NEGR1: variants seen among roughly 807,000 people sequenced by gnomAD.
NEGR1 encodes IgLON family member 4.
In NEGR1, 10 loss-of-function variants were observed where a neutral mutation model predicts 40.9. The ratio of observed to expected loss-of-function variants is 0.24; its 90% CI spans 0.15 to 0.42. The LOEUF is 0.42. Ranked by LOEUF, NEGR1 falls within the 10% of genes least tolerant of loss-of-function variation. The probability of loss-of-function intolerance (pLI) is 1.00; values close to 1 mark genes in which losing one functional copy is unlikely to be tolerated. For missense variants in NEGR1, 352 were observed against 438.9 expected (o/e 0.80, Z 1.77); for synonymous variants, 185 against 166.8 (o/e 1.11, Z -0.84).
chr1:72,230,906 A>G (rs1479646362), intron 1 of NEGR1, among the ~76,000 whole-genome samples: 3 of 152,156 alleles, frequency 2.0e-5, no homozygotes, highest in Non-Finnish European at 4.4e-5. Context: ...TCACAAATAT[A>G]TATTACTAAG....
At chr1:71,648,184 T>C (rs1052181688) in intron 4 of NEGR1, among the ~76,000 whole-genome samples, 20 of 152,100 alleles carry the variant, frequency 1.3e-4, no homozygotes, top group Non-Finnish European at 2.2e-4. Flanking sequence ...AGAAACAATT[T>C]TGCTCAGAAA....
intron 1 of NEGR1, among the ~76,000 whole-genome samples, chr1:71,994,414 G>C (rs1367745970): frequency 3.9e-5 from 6 of 151,946 alleles, no homozygotes; most frequent in Non-Finnish European, 7.4e-5. Context: ...TGTAGTACCA[G>C]CTACTCGGGA....
intron 2 of NEGR1, among the ~76,000 whole-genome samples, chr1:71,868,879 C>T (rs529327937): frequency 2.6e-5 from 4 of 152,074 alleles, no homozygotes; most frequent in Admixed American, 1.3e-4. Flanking sequence ...CCCTCAAATA[C>T]GCCTTACCCC....
chr1:71,479,790 T>C (rs1383734412), intron 6 of NEGR1, among the ~76,000 whole-genome samples: 1 of 151,972 alleles, frequency 6.6e-6, no homozygotes, highest in Non-Finnish European at 1.5e-5. Flanking sequence ...TAGGGAATCT[T>C]TTTTCCCTGC....
intron 4 of NEGR1, among the ~76,000 whole-genome samples, chr1:71,692,293 A>T (rs1653312855): frequency 6.6e-6 from 1 of 151,516 alleles, no homozygotes; most frequent in African/African-American, 2.4e-5. Flanking sequence ...AATTAGCTTA[A>T]AAAAAAACAT....
At chr1:71,903,712 C>T (rs1307373700) in intron 2 of NEGR1, among the ~76,000 whole-genome samples, 1 of 151,546 alleles carries the variant, frequency 6.6e-6, no homozygotes, top group African/African-American at 2.4e-5. Context: ...TCTCTCTCTC[C>T]ATATATATGT....
At chr1:72,039,565 AAAC>A (rs1646933833) in intron 1 of NEGR1, among the ~76,000 whole-genome samples, 1 of 151,974 alleles carries the variant, frequency 6.6e-6, no homozygotes, top group Admixed American at 6.6e-5. Context: ...GGAGAGAAAA[AAAC>A]AACAAAATTA....
intron 1 of NEGR1, among the ~76,000 whole-genome samples, chr1:72,144,565 T>C (rs1650838977): frequency 6.6e-6 from 1 of 151,984 alleles, no homozygotes; most frequent in Admixed American, 6.6e-5. Context: ...ATTTTACGTG[T>C]GAAGAAGCAA....
intron 1 of NEGR1, among the ~76,000 whole-genome samples, chr1:72,255,464 GGGTGTT>G: frequency 6.6e-6 from 1 of 151,994 alleles, no homozygotes; most frequent in South Asian, 2.1e-4. Flanking sequence ...CATTCATCCT[GGGTGTT>G]GATATACTCT....
chr1:72,045,210 A>G (rs930280884), intron 1 of NEGR1, among the ~76,000 whole-genome samples: 1 of 151,860 alleles, frequency 6.6e-6, no homozygotes, highest in Non-Finnish European at 1.5e-5. Context: ...TGAAAGTAAA[A>G]TATTCTAATG....
chr1:71,865,217 G>C (rs1331817668), intron 2 of NEGR1, among the ~76,000 whole-genome samples: 6 of 152,092 alleles, frequency 3.9e-5, no homozygotes, highest in Admixed American at 1.3e-4. Flanking sequence ...CTTCAGTAGA[G>C]CTTTTCTAAC....
chr1:71,841,041 A>C (rs796271406), intron 2 of NEGR1, among the ~76,000 whole-genome samples: 2 of 152,138 alleles, frequency 1.3e-5, no homozygotes, highest in African/African-American at 4.8e-5. Flanking sequence ...CAATCACATG[A>C]ACCAATTTCT....
intron 2 of NEGR1, among the ~76,000 whole-genome samples, chr1:71,821,978 A>C (rs1413121742): frequency 2.6e-5 from 4 of 152,034 alleles, no homozygotes; most frequent in African/African-American, 9.7e-5. Flanking sequence ...GGTATGACCA[A>C]CTAATAAAGG....
chr1:71,887,682 T>C (rs2101849970), intron 2 of NEGR1, among the ~76,000 whole-genome samples: 1 of 152,294 alleles, frequency 6.6e-6, no homozygotes, highest in Admixed American at 6.5e-5. Flanking sequence ...TTTTTAAAAC[T>C]ATATATTATT....
At chr1:71,894,365 G>C (rs1660904108) in intron 2 of NEGR1, among the ~76,000 whole-genome samples, 1 of 152,104 alleles carries the variant, frequency 6.6e-6, no homozygotes, top group Admixed American at 6.6e-5. Flanking sequence ...CATTGAAACA[G>C]GAATAGGGGC....
intron 1 of NEGR1, among the ~76,000 whole-genome samples, chr1:72,250,543 A>T (rs1303660775): frequency 2.0e-5 from 3 of 152,176 alleles, no homozygotes; most frequent in Non-Finnish European, 4.4e-5. Flanking sequence ...AAATATGAAA[A>T]ACAATTAAGT....
At chr1:71,596,212 A>G (rs1649708951) in intron 5 of NEGR1, among the ~76,000 whole-genome samples, 1 of 152,140 alleles carries the variant, frequency 6.6e-6, no homozygotes, top group Non-Finnish European at 1.5e-5. Flanking sequence ...AGATCCTTCT[A>G]TTTCTGTGGA....
In NEGR1 at chr1:71,707,945, G is replaced by A. The variant is rs374220741; in HGVS notation, c.536-9806C>T. ...GTCTGCAAGAACCACAGCATTACTGGGCTTGGGATGCCCGTAAAGCAGGAA... is the reference window on the plus strand; with the variant it reads ...GTCTGCAAGAACCACAGCATTACTGAGCTTGGGATGCCCGTAAAGCAGGAA... On this transcript the variant is annotated intron_variant, in intron 3 of 6. Coordinates refer to ENST00000357731, the MANE Select transcript of NEGR1 (RefSeq NM_173808.3). Among the ~76,000 whole-genome samples, 104 of 152,178 alleles carry A rather than the reference G, an allele frequency of 6.8e-4. 1 individual carries two copies. Among genetic ancestry groups the A allele is most frequent in the South Asian group, 4.8e-3 (23 of 4,822 alleles).
chr1:71,437,764 G>T (rs1360216493), intron 6 of NEGR1, among the ~76,000 whole-genome samples: 2 of 152,204 alleles, frequency 1.3e-5, no homozygotes, highest in Non-Finnish European at 2.9e-5. Flanking sequence ...CTTAATTTGT[G>T]TTTGTCTAAG....
Sources: allele counts gnomAD v4.1 joint callset (sites outside exome capture counted in the v4.1 genomes callset), GRCh38; gene constraint gnomAD v4.1.1; transcripts MANE v1.5; gene names NCBI Gene and HGNC (gene_info 2026-07-23, HGNC 2026-07-21).